TUB: variants seen among roughly 807,000 people sequenced by gnomAD.
The protein encoded by TUB is tubby protein homolog.
A neutral mutation model predicts 59.7 loss-of-function variants in TUB; 33 were observed. That is an observed-to-expected ratio of 0.55 (90% CI 0.42 to 0.74). TUB has a LOEUF of 0.74. Among genes scored for constraint, TUB ranks in the 30% least tolerant of loss-of-function variants. The probability of loss-of-function intolerance (pLI) is 0.00; values close to 1 mark genes in which losing one functional copy is unlikely to be tolerated. For missense variants in TUB, 659 were observed against 672.0 expected, an observed-to-expected ratio of 0.98 and a Z score of 0.21; for synonymous variants, 293 against 256.4, an observed-to-expected ratio of 1.14 and a Z score of -1.36.
rs778409711 is a variant in TUB, at chr11:8,049,576, TATATAGATAGATAG to T, written c.203+9888_203+9901del. On this transcript the variant is annotated intron_variant, in intron 2 of 12. Coordinates refer to the TUB transcript ENST00000305253. ...GTATTATGTGGTATATATATATATA[TATATAGATAGATAG>T]ATAGATAGATAGATACACACACACA... 8.5e-5 allele frequency among the ~76,000 whole-genome samples: 11 copies of T among 128,990 alleles called. No individual in the cohort carries two copies. In the South Asian group the frequency reaches 1.0e-3, roughly 12 times the overall value. 84.6% of individuals were successfully genotyped at this position (128,990 alleles called of 152,430 possible). A position where few individuals can be genotyped will look rare whatever the true frequency, so the allele number is the denominator to read the frequency against.
At chr11:8,057,302 G>A (rs1041434479) in intron 2 of TUB, among the ~76,000 whole-genome samples, 1 of 152,148 alleles carries the variant, frequency 6.6e-6, no homozygotes. Context: ...AGTGTTCCTG[G>A]ACCAAACCGA....
intron 1 of TUB, among the ~76,000 whole-genome samples, chr11:8,022,910 CA>C (rs1442365124): frequency 1.3e-5 from 2 of 152,088 alleles, no homozygotes; most frequent in Admixed American, 6.6e-5. Context: ...CAAAACAAAA[CA>C]AAACAAAAAA....
intron 2 of TUB, among the ~76,000 whole-genome samples, chr11:8,054,025 GA>G (rs1364997637): frequency 1.3e-4 from 19 of 151,752 alleles, no homozygotes; most frequent in African/African-American, 3.9e-4. Flanking sequence ...TGAGGCAGGA[GA>G]ATGGTGTGAA....
rs762696992 is a variant in TUB at position 8,096,710 on chromosome 11, CGAGGATGAG to C, written c.606_614del (p.Asp202_Glu204del). On this transcript the variant is annotated inframe_deletion, in exon 6 of 12. Coordinates refer to ENST00000299506, the MANE Select transcript of TUB (RefSeq NM_177972.3). Reference sequence around the variant, plus strand: ...GCATCTCCAGCAGCATGAGCTTTGACGAGGATGAGGAGGATGAGGAGGAGAATAGCTCCA... The same window carrying C: ...GCATCTCCAGCAGCATGAGCTTTGACGAGGATGAGGAGGAGAATAGCTCCA... The C allele has an allele frequency of 8.6e-5, 139 of 1,612,750 alleles. 1 individual carries two copies. In the African/African-American group the frequency reaches 8.7e-4, roughly 10 times the overall value.
chr11:8,105,583 C>T lies in TUB; in HGVS notation c.*3964C>T, dbSNP rs576597277. On this transcript the variant is annotated 3_prime_UTR_variant, in exon 12 of 12. Transcript: ENST00000299506. The stretch of plus-strand genomic sequence containing the variant: ...AGTAGCTATGTGATTTTGAGCAAAC[C>T]ACATAATCTCTCTAGGTCCATTTTC... The T allele has an allele frequency of 2.0e-5, 3 of 152,196 alleles. No homozygotes were observed. The highest frequency in any genetic ancestry group is 7.2e-5 in the African/African-American group (3 of 41,514). The allele number at this position is 152,196 out of a possible 1,614,324, so 9.4% of individuals were successfully genotyped here.
chr11:8,087,941 C>T (rs1943698072), intron 1 of TUB, among the ~76,000 whole-genome samples: 1 of 152,234 alleles, frequency 6.6e-6, no homozygotes, highest in African/African-American at 2.4e-5. Flanking sequence ...GACCTGGTTG[C>T]ATCCTGTGGT....
intron 1 of TUB, 96 bp from the exon 2 acceptor site, chr11:8,089,514 G>A: frequency 1.4e-6 from 2 of 1,446,952 alleles, no homozygotes; most frequent in Non-Finnish European, 1.9e-6. Flanking sequence ...GTGATGGGAT[G>A]GGTTTAACGG....
At chr11:8,090,716 A>T (rs546663603) in intron 3 of TUB, among the ~76,000 whole-genome samples, 4 of 152,174 alleles carry the variant, frequency 2.6e-5, no homozygotes, top group Admixed American at 2.6e-4. Context: ...ACAACTCCTT[A>T]AGAGCTGTAG....
chr11:8,056,648 A>G (rs1943026232), intron 2 of TUB, among the ~76,000 whole-genome samples: 1 of 152,030 alleles, frequency 6.6e-6, no homozygotes, highest in Non-Finnish European at 1.5e-5. Flanking sequence ...TGGTTTGGGT[A>G]TGCAGGTAGG....
chr11:8,100,278 G>GC (rs111638638), intron 9 of TUB, among the ~76,000 whole-genome samples: 9,419 of 152,198 alleles, frequency 0.062, 587 homozygotes, highest in African/African-American at 0.16. Flanking sequence ...TGGAAGAACA[G>GC]CATTGCCGTG....
Position 8,102,714 on chromosome 11 carries a change from A to C in TUB, c.*1095A>C, listed in dbSNP as rs1405863373. On this transcript the variant is annotated 3_prime_UTR_variant, in exon 12 of 12. Transcript: ENST00000299506. ...TGGGACAGGGTGAATAAAGCAGGGA[A>C]TATTTTAGAACCACAAGAGATCAGC... 6.6e-6 allele frequency: 1 copy of C among 152,226 alleles called. No homozygotes were observed. The highest frequency in any genetic ancestry group is 2.1e-4 in the South Asian group (1 of 4,832). 9.4% of individuals were successfully genotyped at this position (152,226 alleles called of 1,614,324 possible).
intron 9 of TUB, 96 bp from the exon 10 acceptor site, chr11:8,100,407 T>TG: frequency 1.1e-6 from 1 of 930,910 alleles, no homozygotes; most frequent in Non-Finnish European, 1.7e-6. Flanking sequence ...GTGGAGATGG[T>TG]GGGAACTAGC....
intron 2 of TUB, among the ~76,000 whole-genome samples, chr11:8,045,320 C>T (rs898826201): frequency 6.6e-6 from 1 of 152,174 alleles, no homozygotes; most frequent in African/African-American, 2.4e-5. Context: ...GAACTGGGGA[C>T]AAAGACCAAA....
rs139896673 is a variant in TUB at position 8,027,175 on chromosome 11, A to G, written c.56+7817A>G. Among the ~76,000 whole-genome samples, 14 of 152,346 alleles carry G rather than the reference A, an allele frequency of 9.2e-5. No homozygotes were observed. The East Asian group carries it at 1.9e-3, about 21-fold the overall frequency. Reference sequence around the variant, plus strand: ...AGTATACAAGTCCGTGGCATCAGTTACATTCACAGTATTGTGCAACCATCA... The same window carrying G: ...AGTATACAAGTCCGTGGCATCAGTTGCATTCACAGTATTGTGCAACCATCA... On this transcript the variant is annotated intron_variant, in intron 1 of 11. Transcript: ENST00000534099.
Position 8,095,570 on chromosome 11 carries a change from G to T in TUB, c.470G>T (p.Gly157Val). The T allele has an allele frequency of 6.2e-7, 1 of 1,613,246 alleles. No homozygotes were observed. The highest frequency in any genetic ancestry group is 8.5e-7 in the Non-Finnish European group (1 of 1,179,974). The change falls in exon 5 of 12, where the codon GGC (glycine) becomes GTC (valine). Residue 157 changes from glycine (G) to valine (V), a missense_variant. By Grantham distance (109) the Gly-to-Val change is moderately radical. Coordinates refer to ENST00000299506, the MANE Select transcript of TUB (RefSeq NM_177972.3). ...GGCCCAGTGCAGATTCTGACTGTGG[G>T]CCAGTCAGACCACGCCCAGGACGCA... ...AQGPVQILTV[G>V]QSDHAQDAGE...
At position 8,039,720 on chromosome 11, in the gene TUB, G is replaced by A. The variant is rs201264006; in HGVS notation, c.203+28G>A. The A allele has an allele frequency of 2.4e-3, 3,603 of 1,496,094 alleles. 4 individuals are homozygous for A. Among genetic ancestry groups the A allele is most frequent in the Non-Finnish European group, 2.9e-3 (3,255 of 1,120,758 alleles). The allele number at this position is 1,496,094 out of a possible 1,614,324, so 92.7% of individuals were successfully genotyped here. On this transcript the variant is annotated intron_variant, in intron 2 of 12. Transcript: ENST00000305253. ...GAGCTGGAGGGGAGGAGGGCGTGCC[G>A]GCCCTGGGAAAGGGCCAACCACAGG...
chr11:8,063,192 G>C (rs1465409269), intron 2 of TUB, among the ~76,000 whole-genome samples: 1 of 152,200 alleles, frequency 6.6e-6, no homozygotes, highest in Non-Finnish European at 1.5e-5. Flanking sequence ...CGAGGAAAGA[G>C]AGATGAGATG....
At chr11:8,090,646 C>T (rs1943754235) in intron 3 of TUB, among the ~76,000 whole-genome samples, 2 of 152,136 alleles carry the variant, frequency 1.3e-5, no homozygotes, top group Non-Finnish European at 2.9e-5. Context: ...ACACCTTTTT[C>T]CTTCCCTCTC....
At chr11:8,097,891 G>A in intron 8 of TUB, 65 bp downstream of exon 8, 1 of 1,286,352 alleles carries the variant, frequency 7.8e-7, no homozygotes, top group Non-Finnish European at 1.1e-6. Context: ...GCTGTCTGTA[G>A]AGGGCCTGAA....
Sources: gnomAD v4.1 joint callset for allele counts (sites outside exome capture counted in the v4.1 genomes callset) on GRCh38, gnomAD v4.1.1 for gene constraint, MANE v1.5 for transcripts, NCBI Gene and HGNC (gene_info 2026-07-23, HGNC 2026-07-21) for gene names.